CCDC92: variants seen among roughly 807,000 people sequenced by gnomAD.
The protein encoded by CCDC92 is coiled-coil domain containing 92.
A neutral mutation model predicts 24.9 loss-of-function variants in CCDC92; 12 were observed. That is an observed-to-expected ratio of 0.48 (90% CI 0.31 to 0.78). The LOEUF (loss-of-function observed/expected upper bound fraction) is 0.78. Ranked by LOEUF, CCDC92 falls within the 30% of genes least tolerant of loss-of-function variation. The pLI, the probability that CCDC92 is intolerant of heterozygous loss-of-function variation, is 0.05. For missense variants in CCDC92, 399 were observed against 439.4 expected, an observed-to-expected ratio of 0.91 and a Z score of 0.82; for synonymous variants, 193 against 196.3, an observed-to-expected ratio of 0.98 and a Z score of 0.14.
intron 1 of CCDC92, among the ~76,000 whole-genome samples, chr12:123,950,422 C>T (rs148275947): frequency 8.9e-4 from 135 of 152,268 alleles, no homozygotes; most frequent in African/African-American, 3.0e-3. Context: ...AAGGCACTGC[C>T]GACCACCCAA....
rs182690284 is a variant in CCDC92 at position 123,935,828 on chromosome 12, G to A, written c.*1230C>T. ...GAGAATCCTAATGTAATTTCCAAAG[G>A]TGTGTTTTCGATGATCCAGGTCTGT... On this transcript the variant is annotated 3_prime_UTR_variant, in exon 5 of 5. Transcript: ENST00000238156. 6 of 194,026 alleles carry A rather than the reference G, an allele frequency of 3.1e-5. No homozygotes were observed. Among genetic ancestry groups the A allele is most frequent in the Non-Finnish European group, 4.2e-5 (4 of 94,174 alleles). 12.0% of individuals were successfully genotyped at this position (194,026 alleles called of 1,614,324 possible).
chr12:123,963,931 A>G (rs1233496223), intron 1 of CCDC92, among the ~76,000 whole-genome samples: 1 of 152,218 alleles, frequency 6.6e-6, no homozygotes, highest in African/African-American at 2.4e-5. Flanking sequence ...TAGACTCCCA[A>G]TAAATTTATG....
At chr12:123,958,462 A>C (rs1366647275) in intron 1 of CCDC92, among the ~76,000 whole-genome samples, 3 of 152,198 alleles carry the variant, frequency 2.0e-5, no homozygotes, top group Admixed American at 2.0e-4. Context: ...AAAGGCTGCC[A>C]CCTCCTCTGC....
chr12:123,936,905 G>A lies in CCDC92; in HGVS notation c.*153C>T. The A allele has an allele frequency of 1.3e-6, 1 of 769,056 alleles. No individual in the cohort carries two copies. The allele number at this position is 769,056 out of a possible 1,614,324, so 47.6% of individuals were successfully genotyped here. ...GCGGCAGGGACACGATCATATTTTG[G>A]TGTGAAGAAGAGGGCAAGAGAAGCA... On this transcript the variant is annotated 3_prime_UTR_variant, in exon 5 of 5. Coordinates refer to ENST00000238156, the MANE Select transcript of CCDC92 (RefSeq NM_025140.3).
rs373359081 is a variant in CCDC92 at position 123,942,797 on chromosome 12, A to G, written c.182-12T>C. The G allele has an allele frequency of 4.4e-6, 7 of 1,600,038 alleles. No homozygotes were observed. The highest frequency in any genetic ancestry group is 4.5e-5 in the East Asian group (2 of 44,876). On this transcript the variant is annotated splice_polypyrimidine_tract_variant and intron_variant, in intron 3 of 4. Coordinates refer to ENST00000238156, the MANE Select transcript of CCDC92 (RefSeq NM_025140.3). ...CTCATATGTTAAATCTAAAAGGGAA[A>G]TGTTACACATTAATTCTTTTACTGT...
chr12:123,947,445 G>A (rs1955905756), intron 1 of CCDC92, among the ~76,000 whole-genome samples: 1 of 152,222 alleles, frequency 6.6e-6, no homozygotes, highest in South Asian at 2.1e-4. Flanking sequence ...GGGACGTGGG[G>A]AACCTTTATG....
chr12:123,950,162 G>A (rs556627222), intron 1 of CCDC92, among the ~76,000 whole-genome samples: 5 of 152,358 alleles, frequency 3.3e-5, no homozygotes, highest in East Asian at 1.9e-4. Context: ...CAATCCTGAC[G>A]TCTGGGGCAG....
intron 1 of CCDC92, among the ~76,000 whole-genome samples, chr12:123,969,109 G>A (rs1339145564): frequency 6.6e-6 from 1 of 152,116 alleles, no homozygotes; most frequent in African/African-American, 2.4e-5. Context: ...CTCAGTAGCC[G>A]AATCTTTATT....
At chr12:123,957,454 T>C (rs1257740974) in intron 1 of CCDC92, among the ~76,000 whole-genome samples, 1 of 152,162 alleles carries the variant, frequency 6.6e-6, no homozygotes, top group East Asian at 1.9e-4. Context: ...TGCCTTTCAG[T>C]TGGTTCTGCC....
intron 1 of CCDC92, chr12:123,945,404 C>T (rs1385807170): frequency 6.6e-6 from 1 of 152,134 alleles, no homozygotes; most frequent in Non-Finnish European, 1.5e-5. Context: ...TCCCGAGATC[C>T]CAACACTGTC....
intron 1 of CCDC92, among the ~76,000 whole-genome samples, chr12:123,967,226 A>C (rs986673247): frequency 6.8e-6 from 1 of 148,082 alleles, no homozygotes; most frequent in Admixed American, 6.6e-5. Flanking sequence ...CTGCTGCTCT[A>C]TTCTACTAGA....
chr12:123,963,982 C>T (rs1479111193), intron 1 of CCDC92, among the ~76,000 whole-genome samples: 5 of 152,200 alleles, frequency 3.3e-5, no homozygotes, highest in African/African-American at 1.2e-4. Flanking sequence ...TATACTAGCA[C>T]TTTAAGAAAG....
intron 1 of CCDC92, among the ~76,000 whole-genome samples, chr12:123,949,707 C>T (rs969262784): frequency 1.3e-5 from 2 of 152,230 alleles, no homozygotes; most frequent in Admixed American, 1.3e-4. Context: ...TCTACTTGTT[C>T]AGAAAGTTAA....
chr12:123,967,325 C>T (rs529229609), intron 1 of CCDC92, among the ~76,000 whole-genome samples: 2 of 152,292 alleles, frequency 1.3e-5, no homozygotes, highest in South Asian at 2.1e-4. Flanking sequence ...ACAGGCCAAA[C>T]CTAATAACTT....
chr12:123,972,388 C>T (rs1956577482), intron 1 of CCDC92, 141 bp downstream of exon 1: 1 of 152,156 alleles, frequency 6.6e-6, no homozygotes, highest in African/African-American at 2.4e-5. Context: ...TCCCCCGTCT[C>T]CCGGCGGGGA....
At chr12:123,945,914 C>T (rs1000583565) in intron 1 of CCDC92, 1 of 156,720 alleles carries the variant, frequency 6.4e-6, no homozygotes, top group African/African-American at 2.4e-5. Flanking sequence ...TGCCCTAGGC[C>T]TAGTGTCCTA....
chr12:123,970,864 G>T (rs911779944), intron 1 of CCDC92, among the ~76,000 whole-genome samples: 4 of 152,126 alleles, frequency 2.6e-5, no homozygotes, highest in Non-Finnish European at 5.9e-5. Context: ...TTTTATTAAC[G>T]TTAGTATCGT....
Position 123,937,135 on chromosome 12 carries a change from C to T in CCDC92, c.919G>A (p.Val307Met), listed in dbSNP as rs1955524484. The part of the protein sequence containing the change: ...HATPPQAQPE[V>M]KTLAVDQVNG... ...ACCTGGTCGACCGCCAGGGTCTTCA[C>T]CTCGGGCTGGGCCTGCGGCGGGGTG... Residue 307 changes from valine (V) to methionine (M), a missense_variant, in exon 5 of 5, where the codon GTG becomes ATG. Coordinates refer to ENST00000238156, the MANE Select transcript of CCDC92 (RefSeq NM_025140.3). This position sits in a 1 kb window ranked among gnomAD's most constrained non-coding sequence, Gnocchi z 8.4. 1 of 1,613,364 alleles carries T rather than the reference C, an allele frequency of 6.2e-7. No individual in the cohort carries two copies. The highest frequency in any genetic ancestry group is 1.3e-5 in the African/African-American group (1 of 75,044).
At chr12:123,963,645 C>A (rs1034854947) in intron 1 of CCDC92, among the ~76,000 whole-genome samples, 1 of 152,136 alleles carries the variant, frequency 6.6e-6, no homozygotes, top group East Asian at 1.9e-4. Context: ...CTTCTATGAA[C>A]GCTAAAGTGA....
Sources: gnomAD v4.1 joint callset for allele counts (sites outside exome capture counted in the v4.1 genomes callset) on GRCh38, gnomAD v4.1.1 for gene constraint, Gnocchi (gnomAD v3.1) non-coding constraint, MANE v1.5 for transcripts, NCBI Gene and HGNC (gene_info 2026-07-23, HGNC 2026-07-21) for gene names.